The following PARD3 variants were observed in gnomAD, a reference collection of about 807,000 sequenced individuals.
PARD3 encodes the protein par-3 family cell polarity regulator.
In PARD3, 75 loss-of-function variants were observed where a neutral mutation model predicts 155.4. That is an observed-to-expected ratio of 0.48 (90% CI 0.40 to 0.58). The LOEUF is 0.58. PARD3 is among the 20% of genes least tolerant of loss of function. PARD3 has a pLI of 0.00. For missense variants in PARD3, 1,642 were observed against 1,721.7 expected (o/e 0.95, Z 0.82); for synonymous variants, 576 against 610.5 (o/e 0.94, Z 0.83).
chr10:34,392,689 G>A (rs1306465151), intron 7 of PARD3, among the ~76,000 whole-genome samples: 1 of 151,982 alleles, frequency 6.6e-6, no homozygotes, highest in Non-Finnish European at 1.5e-5. Context: ...GGGCTTATAT[G>A]GTTTTTTTCA....
chr10:34,453,756 A>T (rs897224947), intron 4 of PARD3, among the ~76,000 whole-genome samples: 10 of 152,236 alleles, frequency 6.6e-5, no homozygotes, highest in Non-Finnish European at 1.5e-4. Flanking sequence ...CCAAATGCAT[A>T]GAAAAAACAG....
At chr10:34,723,219 C>T (rs2094636697) in intron 1 of PARD3, among the ~76,000 whole-genome samples, 1 of 152,126 alleles carries the variant, frequency 6.6e-6, no homozygotes, top group Admixed American at 6.5e-5. Flanking sequence ...TGGCACATGC[C>T]TGTAATCCCA....
chr10:34,287,300 T>A (rs1200661631), intron 20 of PARD3, among the ~76,000 whole-genome samples: 5 of 152,188 alleles, frequency 3.3e-5, no homozygotes, highest in Non-Finnish European at 5.9e-5. Flanking sequence ...TTTGAACCAT[T>A]TAGTGTTTCT....
intron 1 of PARD3, among the ~76,000 whole-genome samples, chr10:34,700,853 T>C: frequency 6.6e-6 from 1 of 152,030 alleles, no homozygotes; most frequent in East Asian, 1.9e-4. Flanking sequence ...GCGCCTGTAG[T>C]CCCAGCTCCT....
At chr10:34,519,291 T>G (rs1463901545) in intron 2 of PARD3, among the ~76,000 whole-genome samples, 1 of 152,182 alleles carries the variant, frequency 6.6e-6, no homozygotes, top group Admixed American at 6.5e-5. Flanking sequence ...TGAGTTTCTT[T>G]CTTTTGATAA....
intron 19 of PARD3, 72 bp from the exon 20 acceptor site, chr10:34,317,410 T>C: frequency 6.7e-7 from 1 of 1,484,034 alleles, no homozygotes; most frequent in South Asian, 1.4e-5. Flanking sequence ...TAAAATACAT[T>C]CAAGGACTTT....
intron 22 of PARD3, among the ~76,000 whole-genome samples, chr10:34,135,943 G>T (rs1272221242): frequency 6.6e-6 from 1 of 152,178 alleles, no homozygotes; most frequent in African/African-American, 2.4e-5. Context: ...TGCCATGAAG[G>T]GATGCTGGCC....
intron 22 of PARD3, among the ~76,000 whole-genome samples, chr10:34,262,332 T>A (rs1423213558): frequency 1.3e-5 from 2 of 152,104 alleles, no homozygotes; most frequent in African/African-American, 4.8e-5. Flanking sequence ...AGTGCTATGA[T>A]CATGGCCCAC....
chr10:34,742,864 C>T (rs1282053937), intron 1 of PARD3, among the ~76,000 whole-genome samples: 1 of 152,180 alleles, frequency 6.6e-6, no homozygotes, highest in Non-Finnish European at 1.5e-5. Context: ...GCACAGCAGG[C>T]CACAACATCT....
At chr10:34,618,562 T>TA (rs113288546) in intron 2 of PARD3, among the ~76,000 whole-genome samples, 2 of 152,032 alleles carry the variant, frequency 1.3e-5, no homozygotes, top group African/African-American at 4.8e-5. Context: ...TCAATTCATT[T>TA]TAAAAAAAAA....
intron 2 of PARD3, among the ~76,000 whole-genome samples, chr10:34,662,871 G>GAAAAAAAAAAAAAAAAAAAAAAA (rs568672135): frequency 2.4e-5 from 3 of 123,640 alleles, no homozygotes; most frequent in African/African-American, 9.1e-5. Context: ...AACTGTCTCA[G>GAAAAAAAAAAAAAAAAAAAAAAA]AAAAAAAAAA....
intron 2 of PARD3, among the ~76,000 whole-genome samples, chr10:34,598,422 C>T (rs903013482): frequency 2.6e-5 from 4 of 152,106 alleles, no homozygotes; most frequent in African/African-American, 9.7e-5. Flanking sequence ...AGGAATAGTC[C>T]ACCCTTGACT....
chr10:34,612,203 C>T lies in PARD3; in HGVS notation c.222+84115G>A, dbSNP rs111938230. Among the ~76,000 whole-genome samples, 1,133 of 152,108 alleles carry T rather than the reference C, an allele frequency of 7.4e-3. 16 individuals carry two copies. The highest frequency in any genetic ancestry group is 0.026 in the African/African-American group (1,062 of 41,472). On this transcript the variant is annotated intron_variant, in intron 2 of 24. Transcript: ENST00000374788. ...GTATATAACCTATACAGAAACATAA[C>T]CATAGGCTAGAAATGTGTGTATTTA...
chr10:34,170,267 T>A (rs1001922877), intron 22 of PARD3, among the ~76,000 whole-genome samples: 1 of 152,140 alleles, frequency 6.6e-6, no homozygotes, highest in African/African-American at 2.4e-5. Flanking sequence ...TTAAAATTTC[T>A]TGTAGAGACC....
intron 22 of PARD3, among the ~76,000 whole-genome samples, chr10:34,179,708 T>TAA (rs1950188003): frequency 1.3e-5 from 2 of 152,144 alleles, no homozygotes; most frequent in Non-Finnish European, 2.9e-5. Context: ...CTACACAACA[T>TAA]GCATATTCAG....
intron 2 of PARD3, among the ~76,000 whole-genome samples, chr10:34,687,540 G>A (rs183605225): frequency 6.6e-6 from 1 of 152,214 alleles, no homozygotes; most frequent in East Asian, 1.9e-4. Flanking sequence ...TTCAAACTGA[G>A]TTTACACAGC....
At chr10:34,304,760 G>A (rs1564565973) in intron 20 of PARD3, among the ~76,000 whole-genome samples, 1 of 152,288 alleles carries the variant, frequency 6.6e-6, no homozygotes, top group East Asian at 1.9e-4. Flanking sequence ...GGGTTATTAT[G>A]AGGTGTAAAG....
chr10:34,374,701 AAAC>A (rs1326583240), intron 11 of PARD3, among the ~76,000 whole-genome samples, 170 bp downstream of exon 11: 1 of 152,214 alleles, frequency 6.6e-6, no homozygotes, highest in Non-Finnish European at 1.5e-5. Flanking sequence ...TCCATTTCTG[AAAC>A]TAAGGGAGTA....
chr10:34,742,359 C>T (rs2095034587), intron 1 of PARD3, among the ~76,000 whole-genome samples: 1 of 152,168 alleles, frequency 6.6e-6, no homozygotes. Context: ...GATTGTTCAG[C>T]TAGAGATCAA....
Sources: gnomAD v4.1 joint callset for allele counts (sites outside exome capture counted in the v4.1 genomes callset) on GRCh38, gnomAD v4.1.1 for gene constraint, MANE v1.5 for transcripts, NCBI Gene and HGNC (gene_info 2026-07-23, HGNC 2026-07-21) for gene names.